The following DEPDC5 variants were observed in gnomAD, a reference collection of about 807,000 sequenced individuals.
DEPDC5 encodes DEP domain containing 5, GATOR1 subcomplex subunit, also known as GATOR1 complex protein DEPDC5.
Under a neutral mutation model 217.3 loss-of-function variants are expected in DEPDC5, and 73 were observed. The ratio of observed to expected loss-of-function variants is 0.34; its 90% CI spans 0.28 to 0.41. The LOEUF (loss-of-function observed/expected upper bound fraction) is 0.41, where lower values mean the gene tolerates loss of function less well. DEPDC5 is among the 10% of genes least tolerant of loss of function. The pLI is 1.00. For synonymous variants in DEPDC5, 733 were observed against 756.7 expected, an observed-to-expected ratio of 0.97 and a Z score of 0.51; for missense variants, 1,675 against 2,070.1, an observed-to-expected ratio of 0.81 and a Z score of 3.70.
chr22:31,811,697 G>A (rs1233064781), intron 20 of DEPDC5, among the ~76,000 whole-genome samples: 2 of 151,774 alleles, frequency 1.3e-5, no homozygotes, highest in Non-Finnish European at 2.9e-5. Context: ...CTACAGGCAT[G>A]CACCATCATG....
chr22:31,793,301 G>A (rs200542619), intron 12 of DEPDC5, among the ~76,000 whole-genome samples: 1 of 151,944 alleles, frequency 6.6e-6, no homozygotes, highest in Non-Finnish European at 1.5e-5. Context: ...CGTACTTGCC[G>A]TCTCCAAGAT....
At chr22:31,775,811 G>A (rs911680459) in intron 7 of DEPDC5, among the ~76,000 whole-genome samples, 2 of 151,988 alleles carry the variant, frequency 1.3e-5, no homozygotes, top group African/African-American at 2.4e-5. Context: ...GGAGGCCAAG[G>A]CGGGCGGATC....
chr22:31,888,240 GTTT>G (rs71184531), intron 38 of DEPDC5, among the ~76,000 whole-genome samples: 4 of 66,350 alleles, frequency 6.0e-5, no homozygotes, highest in Non-Finnish European at 7.7e-5. Flanking sequence ...TTTGTCTGTG[GTTT>G]TTTTTTTTTT....
At chr22:31,797,275 A>C (rs2086348529) in intron 12 of DEPDC5, among the ~76,000 whole-genome samples, 1 of 152,196 alleles carries the variant, frequency 6.6e-6, no homozygotes. Context: ...TAATTGACTC[A>C]TGGTTCTGCA....
rs573508569 is a variant in DEPDC5, at chr22:31,771,329, G to T, written c.413+2466G>T. 3.5e-3 allele frequency among the ~76,000 whole-genome samples: 526 copies of T among 152,304 alleles called. 3 individuals carry two copies. Among genetic ancestry groups the T allele is most frequent in the South Asian group, 0.012 (57 of 4,828 alleles). On this transcript the variant is annotated intron_variant, in intron 7 of 42. Transcript: ENST00000651528. The stretch of plus-strand genomic sequence containing the variant: ...CAAAAAGGGTATTTTGAAACTTGTT[G>T]TGGGGAGCCAGGTAAAATGGCTATG...
chr22:31,784,914 CA>C (rs1400408062), intron 10 of DEPDC5, 39 bp downstream of exon 10: 1 of 1,562,098 alleles, frequency 6.4e-7, no homozygotes, highest in Admixed American at 1.8e-5. Flanking sequence ...ATTATGTAAA[CA>C]TTACTCAATC....
intron 40 of DEPDC5, among the ~76,000 whole-genome samples, chr22:31,900,364 A>G (rs1400003908): frequency 1.3e-5 from 2 of 151,900 alleles, no homozygotes; most frequent in Admixed American, 6.6e-5. Context: ...TTATTTTTAT[A>G]TTTATTTGCT....
At chr22:31,902,408 TTA>T (rs66813737) in intron 41 of DEPDC5, among the ~76,000 whole-genome samples, 8,166 of 111,788 alleles carry the variant, frequency 0.073, 473 homozygotes, top group South Asian at 0.2. Context: ...CATCTCCTTA[TTA>T]TATATATATA....
intron 7 of DEPDC5, among the ~76,000 whole-genome samples, chr22:31,777,621 G>T (rs1033976635): frequency 6.6e-6 from 1 of 152,040 alleles, no homozygotes; most frequent in Non-Finnish European, 1.5e-5. Context: ...TTCATATTCA[G>T]TATAGTATGA....
At chr22:31,842,556 C>G (rs967454261) in intron 27 of DEPDC5, among the ~76,000 whole-genome samples, 3 of 107,614 alleles carry the variant, frequency 2.8e-5, no homozygotes, top group African/African-American at 1.1e-4. Flanking sequence ...GCTTGGGCAA[C>G]AAGAGCGAAA....
Position 31,804,198 on chromosome 22 carries a change from C to T in DEPDC5, c.1118C>T (p.Pro373Leu). ...GATTTGGTGTGCATGGGAGAGCAACCGTTACATGCTGTCCCATTGTTCAAG... is the reference window on the plus strand; with the variant it reads ...GATTTGGTGTGCATGGGAGAGCAACTGTTACATGCTGTCCCATTGTTCAAG... ...GVDLVCMGEQ[P>L]LHAVPLFKLH... Residue 373 changes from proline to leucine, a missense_variant, in exon 16 of 43, where the codon CCG (proline) becomes CTG (leucine). Coordinates refer to ENST00000651528, the MANE Select transcript of DEPDC5 (RefSeq NM_001242896.3). The T allele has an allele frequency of 6.2e-7, 1 of 1,613,958 alleles. No homozygotes were observed. The highest frequency in any genetic ancestry group is 8.5e-7 in the Non-Finnish European group (1 of 1,179,972).
intron 7 of DEPDC5, among the ~76,000 whole-genome samples, chr22:31,772,816 C>T (rs900646539): frequency 6.6e-6 from 1 of 151,552 alleles, no homozygotes; most frequent in Non-Finnish European, 1.5e-5. Context: ...GAGTCTTTCT[C>T]TGTTGCCTAG....
At chr22:31,787,612 C>T (rs1193646444) in intron 10 of DEPDC5, among the ~76,000 whole-genome samples, 1 of 151,866 alleles carries the variant, frequency 6.6e-6, no homozygotes, top group Non-Finnish European at 1.5e-5. Context: ...TTCGAGTAAC[C>T]CAGACAACAA....
chr22:31,852,339 AT>A (rs71320909), intron 31 of DEPDC5, among the ~76,000 whole-genome samples: 18,380 of 125,662 alleles, frequency 0.15, 1,103 homozygotes, highest in African/African-American at 0.29. Context: ...ATTTATTACT[AT>A]TTTTTTTTTT....
chr22:31,846,993 T>A (rs757122079), intron 31 of DEPDC5, 26 bp downstream of exon 31: 3 of 1,614,190 alleles, frequency 1.9e-6, no homozygotes, highest in Non-Finnish European at 2.5e-6. Context: ...AAGACTGACT[T>A]GTCCCCACCT....
chr22:31,774,341 A>C (rs1055496022), intron 7 of DEPDC5, among the ~76,000 whole-genome samples: 1 of 151,592 alleles, frequency 6.6e-6, no homozygotes, highest in African/African-American at 2.4e-5. Context: ...CTGGGATCAC[A>C]GGCACCCGCC....
chr22:31,897,757 C>T (rs2093579175), intron 40 of DEPDC5, 104 bp downstream of exon 40: 3 of 1,380,826 alleles, frequency 2.2e-6, no homozygotes, highest in South Asian at 1.4e-5. Context: ...GGAAAAGGGA[C>T]AGCCTTTCAA....
intron 13 of DEPDC5, 83 bp downstream of exon 13, chr22:31,797,786 G>A: frequency 9.5e-7 from 1 of 1,052,636 alleles, no homozygotes; most frequent in East Asian, 2.4e-5. Flanking sequence ...ATGTGTGCTT[G>A]TTTCTCTCCC....
chr22:31,764,363 C>T (rs2082640380), intron 4 of DEPDC5, among the ~76,000 whole-genome samples: 1 of 152,008 alleles, frequency 6.6e-6, no homozygotes, highest in African/African-American at 2.4e-5. Context: ...AGAAGATCTC[C>T]TTTCTCTTCT....
Sources: allele counts gnomAD v4.1 joint callset (sites outside exome capture counted in the v4.1 genomes callset), GRCh38; gene constraint gnomAD v4.1.1; transcripts MANE v1.5; gene names NCBI Gene and HGNC (gene_info 2026-07-23, HGNC 2026-07-21).